The following STIP1 variants were observed in gnomAD, a reference collection of about 807,000 sequenced individuals.
STIP1 encodes the protein stress induced phosphoprotein 1, also known as stress-induced-phosphoprotein 1.
A neutral mutation model predicts 77.4 loss-of-function variants in STIP1; 16 were observed. The observed-to-expected ratio is 0.21, with a 90% CI of 0.14 to 0.31. The LOEUF is 0.31. Ranked by LOEUF, STIP1 falls within the 10% of genes least tolerant of loss-of-function variation. The probability of loss-of-function intolerance (pLI) is 1.00; values close to 1 mark genes in which losing one functional copy is unlikely to be tolerated. For missense variants in STIP1, 524 were observed against 684.8 expected (o/e 0.77, Z 2.62); for synonymous variants, 258 against 246.6 (o/e 1.05, Z -0.44).
intron 7 of STIP1, 121 bp downstream of exon 7, chr11:64,197,716 G>A: frequency 6.5e-7 from 1 of 1,545,004 alleles, no homozygotes; most frequent in South Asian, 1.2e-5. Context: ...AGAAAGGGCT[G>A]GCAAGAAGGT....
upstream of STIP1, chr11:64,185,873 A>T (rs1279299201): frequency 6.5e-7 from 1 of 1,536,116 alleles, no homozygotes; most frequent in East Asian, 2.4e-5. Context: ...CAGAACGATC[A>T]GAACCAATGG....
rs11231722 is a variant in STIP1, at chr11:64,200,298, C to T, written c.1245+5C>T. 5 of 1,606,338 alleles carry T rather than the reference C, an allele frequency of 3.1e-6. No homozygotes were observed. The African/African-American group carries it at 4.0e-5, about 13-fold the overall frequency. On this transcript the variant is annotated splice_donor_5th_base_variant and intron_variant, in intron 10 of 13. Coordinates refer to ENST00000305218, the MANE Select transcript of STIP1 (RefSeq NM_006819.3). ...GAGTTCCAGCTGGCACTCAAGGTGA[C>T]GAGACCTGTGGGGGCGGCCATTACT...
Position 64,187,694 on chromosome 11 carries a change from C to T in STIP1, c.9+1424C>T, listed in dbSNP as rs893405189. ...AAAAGATTTCTGGAATAAGACGTTGCTCTTTTACCTTTAAGAAAGGATCTG... is the reference window on the plus strand; with the variant it reads ...AAAAGATTTCTGGAATAAGACGTTGTTCTTTTACCTTTAAGAAAGGATCTG... On this transcript the variant is annotated intron_variant, in intron 1 of 13. Coordinates refer to ENST00000305218, the MANE Select transcript of STIP1 (RefSeq NM_006819.3). Among the ~76,000 whole-genome samples, 4 of 152,148 alleles carry T rather than the reference C, an allele frequency of 2.6e-5. No homozygotes were observed. The East Asian group carries it at 5.8e-4, about 22-fold the overall frequency.
chr11:64,186,455 C>T, intron 1 of STIP1, 185 bp downstream of exon 1: 1 of 622,234 alleles, frequency 1.6e-6, no homozygotes, highest in East Asian at 4.3e-5. Context: ...TTTAGCGAGG[C>T]CGGCCGCGGG....
chr11:64,191,785 A>G (rs544998382), intron 1 of STIP1, among the ~76,000 whole-genome samples: 5 of 151,760 alleles, frequency 3.3e-5, no homozygotes, highest in African/African-American at 1.2e-4. Flanking sequence ...TGAAAAAGTA[A>G]AATTTAATGT....
rs201745316 is a variant in STIP1, at chr11:64,195,765, G to A, written c.624G>A (p.Glu208=). The part of the protein sequence containing the change: ...TPPPPPPPKK[E]TKPEPMEEDL... Reference sequence around the variant, plus strand: ...CACCACCACCCCCTCCCAAAAAGGAGACCAAGCCAGAGCCAATGGAAGAAG... The same window carrying A: ...CACCACCACCCCCTCCCAAAAAGGAAACCAAGCCAGAGCCAATGGAAGAAG... The change falls in exon 5 of 14, where the codon GAG becomes GAA. Residue 208 remains glutamate, a synonymous_variant. Transcript: ENST00000305218. 27 of 1,614,104 alleles carry A rather than the reference G, an allele frequency of 1.7e-5. No individual in the cohort carries two copies. In the East Asian group the frequency reaches 5.3e-4, roughly 32 times the overall value.
chr11:64,188,550 A>G (rs1946054105), intron 1 of STIP1, among the ~76,000 whole-genome samples: 1 of 152,028 alleles, frequency 6.6e-6, no homozygotes, highest in Non-Finnish European at 1.5e-5. Flanking sequence ...GCTAATTTTA[A>G]CATTTTTTGT....
rs769716675 is a variant in STIP1, at chr11:64,200,035, A to G, written c.1119A>G (p.Lys373=). The G allele has an allele frequency of 5.6e-6, 9 of 1,614,176 alleles. No homozygotes were observed. Among genetic ancestry groups the G allele is most frequent in the Non-Finnish European group, 7.6e-6 (9 of 1,180,028 alleles). ...EKNKGNECFQ[K]GDYPQAMKHY... Reference sequence around the variant, plus strand: ...ACAAAGGCAACGAGTGTTTTCAGAAAGGTACTGCCTGCAGCTGGGGGATTG... The same window carrying G: ...ACAAAGGCAACGAGTGTTTTCAGAAGGGTACTGCCTGCAGCTGGGGGATTG... Residue 373 remains lysine, a splice_region_variant and synonymous_variant, in exon 9 of 14, where the codon AAA becomes AAG. Transcript: ENST00000305218.
intron 1 of STIP1, among the ~76,000 whole-genome samples, chr11:64,192,035 G>A (rs1391574570): frequency 6.6e-6 from 1 of 151,884 alleles, no homozygotes; most frequent in African/African-American, 2.4e-5. Context: ...GTATCCCACC[G>A]GGCGCGGTGG....
At chr11:64,194,648 T>G (rs995097089) in intron 4 of STIP1, 28 bp downstream of exon 4, 4 of 1,607,072 alleles carry the variant, frequency 2.5e-6, no homozygotes, top group African/African-American at 2.7e-5. Flanking sequence ...ACTGAGGTTC[T>G]GGAAATCGGG....
Position 64,191,206 on chromosome 11 carries a change from G to A in STIP1, c.10-1872G>A, listed in dbSNP as rs984099414. On this transcript the variant is annotated intron_variant, in intron 1 of 13. Transcript: ENST00000305218. ...CTGTCTCAAAAAAAAAAAAAAAAAAGGGCTGAGTCAGGAGGATTGCTTGAG... is the reference window on the plus strand; with the variant it reads ...CTGTCTCAAAAAAAAAAAAAAAAAAAGGCTGAGTCAGGAGGATTGCTTGAG... Among the ~76,000 whole-genome samples, 3 of 145,036 alleles carry A rather than the reference G, an allele frequency of 2.1e-5. No individual in the cohort carries two copies. In the East Asian group the frequency reaches 6.2e-4, roughly 30 times the overall value.
At chr11:64,199,654 C>T (rs1443768211) in intron 8 of STIP1, among the ~76,000 whole-genome samples, 1 of 149,558 alleles carries the variant, frequency 6.7e-6, no homozygotes, top group Admixed American at 6.7e-5. Flanking sequence ...GCTTCCGCCT[C>T]CCGGGTTCAC....
chr11:64,197,265 A>ATC lies in STIP1; in HGVS notation c.673-4_673-3dup, dbSNP rs1426688029. The ATC allele has an allele frequency of 3.7e-6, 6 of 1,614,050 alleles. No homozygotes were observed. In the Admixed American group the frequency reaches 8.3e-5, roughly 22 times the overall value. On this transcript the variant is annotated splice_region_variant and splice_polypyrimidine_tract_variant and intron_variant, in intron 5 of 13. Transcript: ENST00000305218. Reference sequence around the variant, plus strand: ...TGCTCAGCACTCACTTCTAAACCTCATCTAGGCACTGAAAGAAAAAGAGCT... The same window carrying ATC: ...TGCTCAGCACTCACTTCTAAACCTCATCTCTAGGCACTGAAAGAAAAAGAGCT...
At chr11:64,192,173 G>A (rs1946100321) in intron 1 of STIP1, among the ~76,000 whole-genome samples, 1 of 152,184 alleles carries the variant, frequency 6.6e-6, no homozygotes, top group South Asian at 2.1e-4. Flanking sequence ...AATTAGCCAA[G>A]TGTGGGGGTG....
At chr11:64,203,782 G>T in intron 13 of STIP1, 160 bp downstream of exon 13, 3 of 857,102 alleles carry the variant, frequency 3.5e-6, no homozygotes, top group Non-Finnish European at 5.3e-6. Context: ...GAGCTGGAAG[G>T]GCTTTGTTAG....
Position 64,197,929 on chromosome 11 carries a change from T to C in STIP1, c.978T>C (p.Ser326=), listed in dbSNP as rs1317267289. 1 of 1,613,452 alleles carries C rather than the reference T, an allele frequency of 6.2e-7. No individual in the cohort carries two copies. Among genetic ancestry groups the C allele is most frequent in the East Asian group, 2.2e-5 (1 of 44,890 alleles). ...YKDAIHFYNK[S]LAEHRTPDVL... ...ATGCCATCCATTTCTATAACAAGTC[T>C]CTGGCAGAGCACCGAACCCCAGATG... Residue 326 remains serine, a synonymous_variant, in exon 8 of 14, where the codon TCT becomes TCC. Coordinates refer to ENST00000305218, the MANE Select transcript of STIP1 (RefSeq NM_006819.3).
chr11:64,197,207 C>G (rs1300132679), intron 5 of STIP1, 64 bp from the exon 6 acceptor site: 1 of 1,600,852 alleles, frequency 6.2e-7, no homozygotes, highest in Non-Finnish European at 8.5e-7. Flanking sequence ...TGTGACAGAT[C>G]ATAGATTCTT....
intron 10 of STIP1, 57 bp downstream of exon 10, chr11:64,200,350 TTCTC>T (rs1403342069): frequency 4.2e-5 from 66 of 1,556,550 alleles, no homozygotes; most frequent in Non-Finnish European, 5.5e-5. Context: ...GGAGTGGGTT[TTCTC>T]TCTCTCTCCT....
chr11:64,189,729 C>T (rs558074731), intron 1 of STIP1, among the ~76,000 whole-genome samples: 33 of 152,290 alleles, frequency 2.2e-4, no homozygotes, highest in Non-Finnish European at 3.1e-4. Context: ...AAATGCTGGT[C>T]ATGACCTACA....
Sources: gnomAD v4.1 joint callset for allele counts (sites outside exome capture counted in the v4.1 genomes callset) on GRCh38, gnomAD v4.1.1 for gene constraint, MANE v1.5 for transcripts, NCBI Gene and HGNC (gene_info 2026-07-23, HGNC 2026-07-21) for gene names.